SMARCA2: variants seen among roughly 807,000 people sequenced by gnomAD.
The protein encoded by SMARCA2 is SWI/SNF-related matrix-associated actin-dependent regulator of chromatin subfamily A member 2.
A neutral mutation model predicts 199.8 loss-of-function variants in SMARCA2; 61 were observed. That is an observed-to-expected ratio of 0.31 (90% CI 0.25 to 0.38). SMARCA2 has a LOEUF of 0.38. Among genes scored for constraint, SMARCA2 ranks in the 10% least tolerant of loss-of-function variants. SMARCA2 has a pLI of 1.00. For synonymous variants in SMARCA2, 935 were observed against 732.0 expected (o/e 1.28, Z -4.48); for missense variants, 1,344 against 2,012.2 (o/e 0.67, Z 6.35).
In SMARCA2 at chr9:2,119,685, G is replaced by A; in HGVS notation, c.3762+150G>A. The A allele has an allele frequency of 3.4e-6, 2 of 594,124 alleles. No individual in the cohort carries two copies. The highest frequency in any genetic ancestry group is 4.3e-5 in the South Asian group (2 of 46,246). The allele number at this position is 594,124 out of a possible 1,614,324, so 36.8% of individuals were successfully genotyped here. ...GTTCAGAGGCTGCAAACTGGCTGGA[G>A]TTAGCCTGCAGACATATTTTGTTTG... is the stretch of plus-strand genomic sequence containing the variant. On this transcript the variant is annotated intron_variant, in intron 26 of 33. Transcript: ENST00000349721. The surrounding 1 kb of genome is among the most constrained non-coding windows in gnomAD (Gnocchi z 4.6).
At chr9:2,186,665 A>C (rs1340862728) in intron 32 of SMARCA2, among the ~76,000 whole-genome samples, 1 of 152,084 alleles carries the variant, frequency 6.6e-6, no homozygotes, top group African/African-American at 2.4e-5. Context: ...AGCTGGAATT[A>C]CAGGCGTGTG....
chr9:2,029,300 T>C, intron 2 of SMARCA2, 53 bp downstream of exon 2: 1 of 1,560,590 alleles, frequency 6.4e-7, no homozygotes, highest in Non-Finnish European at 8.7e-7. Context: ...GGATGGCTAA[T>C]ATTTCTGATA....
chr9:2,137,084 C>A (rs1362453137), intron 27 of SMARCA2, among the ~76,000 whole-genome samples: 2 of 152,148 alleles, frequency 1.3e-5, no homozygotes, highest in Non-Finnish European at 2.9e-5. Context: ...TTTCTACCAA[C>A]CCTACTTGGC....
chr9:2,112,425 C>T (rs1309107156), intron 24 of SMARCA2, among the ~76,000 whole-genome samples: 1 of 152,058 alleles, frequency 6.6e-6, no homozygotes, highest in South Asian at 2.1e-4. Flanking sequence ...GCTAATTTAA[C>T]ATGGAAAATA....
intron 31 of SMARCA2, among the ~76,000 whole-genome samples, 172 bp from the exon 32 acceptor site, chr9:2,185,924 G>A (rs1362303539): frequency 6.6e-6 from 1 of 152,114 alleles, no homozygotes; most frequent in Non-Finnish European, 1.5e-5. Flanking sequence ...GAATGTGTAT[G>A]TCTGTATTTG....
In SMARCA2 at chr9:2,170,466, G is replaced by C. The variant is rs3793510; in HGVS notation, c.4247G>C (p.Gly1416Ala). ...AGTAATTCTCAGTTGGAAATAGAAG[G>C]AAACAGGTCAGGATCTGTCTTGTAT... is the stretch of plus-strand genomic sequence containing the variant. ...VPSNSQLEIE[G>A]NSSGRQLSEV... The change falls in exon 29 of 34, where the codon GGA (glycine) becomes GCA (alanine). Residue 1416 changes from glycine (G) to alanine (A), a missense_variant. Physicochemically the swap from Gly to Ala is moderately conservative, Grantham distance 60. Coordinates refer to ENST00000349721, the MANE Select transcript of SMARCA2 (RefSeq NM_003070.5). The surrounding 1 kb of genome is among the most constrained non-coding windows in gnomAD (Gnocchi z 4.7). The C allele has an allele frequency of 1.3e-4, 213 of 1,614,096 alleles. 1 individual carries two copies. In the East Asian group the frequency reaches 4.7e-3, roughly 36 times the overall value.
chr9:2,046,059 A>C (rs1349405812), intron 4 of SMARCA2: 2 of 152,196 alleles, frequency 1.3e-5, no homozygotes, highest in African/African-American at 4.8e-5. Context: ...AATCGCTCTG[A>C]AGTATGTAGA....
In SMARCA2 at chr9:2,178,019, G is replaced by GAA. The variant is rs35444665; in HGVS notation, c.4254-3542_4254-3541dup. 1.9e-3 allele frequency among the ~76,000 whole-genome samples: 267 copies of GAA among 143,146 alleles called. 1 individual carries two copies. Among genetic ancestry groups the GAA allele is most frequent in the African/African-American group, 3.8e-3 (149 of 39,504 alleles). The allele number at this position is 143,146 out of a possible 152,430, so 93.9% of individuals were successfully genotyped here. Reference sequence around the variant, plus strand: ...ACTTTTGGTTTGTGGAGGTAATGAGGAAAAAAAAAAACGGTTCCCAGATGA... The same window carrying GAA: ...ACTTTTGGTTTGTGGAGGTAATGAGGAAAAAAAAAAAAACGGTTCCCAGATGA... On this transcript the variant is annotated intron_variant, in intron 29 of 33. Coordinates refer to ENST00000349721, the MANE Select transcript of SMARCA2 (RefSeq NM_003070.5).
Position 2,161,730 on chromosome 9 carries a change from G to A in SMARCA2, c.4026G>A (p.Arg1342=), listed in dbSNP as rs760924689. ...GNLEEMEEEV[R]LKKRKRRRNV... ...TGGAGGAAATGGAAGAGGAAGTACG[G>A]CTTAAGAAGCGAAAAAGACGAAGAA... is the stretch of plus-strand genomic sequence containing the variant. The change falls in exon 28 of 34, where the codon CGG becomes CGA. Residue 1342 remains arginine (R), a synonymous_variant. Coordinates refer to ENST00000349721, the MANE Select transcript of SMARCA2 (RefSeq NM_003070.5). This position sits in a 1 kb window ranked among gnomAD's most constrained non-coding sequence, Gnocchi z 4.7. 38 of 1,613,902 alleles carry A rather than the reference G, an allele frequency of 2.4e-5. 1 individual carries two copies. In the South Asian group the frequency reaches 4.1e-4, roughly 17 times the overall value.
At chr9:2,043,989 C>G (rs1819724739) in intron 4 of SMARCA2, 1 of 152,316 alleles carries the variant, frequency 6.6e-6, no homozygotes, top group African/African-American at 2.4e-5. Flanking sequence ...GATTTGTCTT[C>G]CATTTGAAGA....
intron 1 of SMARCA2, among the ~76,000 whole-genome samples, chr9:2,019,125 C>T (rs561354385): frequency 4.0e-5 from 6 of 150,154 alleles, no homozygotes; most frequent in East Asian, 2.0e-4. Flanking sequence ...ATACTTATTG[C>T]GGTAGACTGA....
chr9:2,067,670 G>C (rs1004931933), intron 9 of SMARCA2, among the ~76,000 whole-genome samples: 2 of 152,210 alleles, frequency 1.3e-5, no homozygotes, highest in East Asian at 3.8e-4. Flanking sequence ...AGATCATACA[G>C]CTAAGATCTC....
chr9:2,191,288 T>C lies in SMARCA2; in HGVS notation c.4617T>C (p.Ile1539=). The change falls in exon 33 of 34, where the codon ATT becomes ATC. Residue 1539 remains isoleucine, a synonymous_variant. Coordinates refer to ENST00000349721, the MANE Select transcript of SMARCA2 (RefSeq NM_003070.5). ...TAGCAAAATCAGTCAAGGTGAAAAT[T>C]AAGCTCAATAAAAAAGATGACAAAG... ...ESEAKSVKVK[I]KLNKKDDKGR... 3 of 1,614,084 alleles carry C rather than the reference T, an allele frequency of 1.9e-6. No individual in the cohort carries two copies. Among genetic ancestry groups the C allele is most frequent in the Non-Finnish European group, 2.5e-6 (3 of 1,180,004 alleles).
In SMARCA2 at chr9:2,039,962, C is replaced by G; in HGVS notation, c.790+62C>G. On this transcript the variant is annotated intron_variant, in intron 4 of 33. Coordinates refer to ENST00000349721, the MANE Select transcript of SMARCA2 (RefSeq NM_003070.5). This position sits in a 1 kb window ranked among gnomAD's most constrained non-coding sequence, Gnocchi z 4.8. ...TCCAACTCGGATAACAAAGACTGCT[C>G]ACCAAAACACCGGGTTGTTAAAAGC... 6.3e-7 allele frequency: 1 copy of G among 1,587,648 alleles called. No homozygotes were observed. The highest frequency in any genetic ancestry group is 1.3e-5 in the African/African-American group (1 of 74,650).
At chr9:2,182,439 T>C (rs1233850686) in intron 31 of SMARCA2, among the ~76,000 whole-genome samples, 197 bp downstream of exon 31, 1 of 149,844 alleles carries the variant, frequency 6.7e-6, no homozygotes, top group East Asian at 2.0e-4. Context: ...ACCACAGCTG[T>C]GCTAGCGCCT....
chr9:2,075,768 C>T (rs1821297090), intron 12 of SMARCA2, among the ~76,000 whole-genome samples: 1 of 152,154 alleles, frequency 6.6e-6, no homozygotes, highest in Non-Finnish European at 1.5e-5. Context: ...AGCGATTCTC[C>T]TGCCTCAGCC....
chr9:2,133,646 TAAA>T (rs200883154), intron 27 of SMARCA2, among the ~76,000 whole-genome samples: 1 of 139,892 alleles, frequency 7.1e-6, no homozygotes, highest in African/African-American at 2.7e-5. Context: ...TGTCAGGATT[TAAA>T]AAAAAAAAAA....
intron 9 of SMARCA2, among the ~76,000 whole-genome samples, chr9:2,070,029 G>C (rs1368599757): frequency 6.6e-6 from 1 of 152,160 alleles, no homozygotes; most frequent in African/African-American, 2.4e-5. Flanking sequence ...CATTGCTGAA[G>C]AAAACTTGCT....
Position 2,193,322 on chromosome 9 carries a change from A to AAG in SMARCA2, c.*585_*586dup, listed in dbSNP as rs1209915685. 2 of 152,640 alleles carry AAG rather than the reference A, an allele frequency of 1.3e-5. No homozygotes were observed. Among genetic ancestry groups the AAG allele is most frequent in the East Asian group, 1.9e-4 (1 of 5,196 alleles). 9.5% of individuals were successfully genotyped at this position (152,640 alleles called of 1,614,324 possible). ...TGAACAAAAGCTTTTTGAATTGTAT[A>AAG]AGATTTATGTCTACTGTAAACATTG... is the stretch of plus-strand genomic sequence containing the variant. On this transcript the variant is annotated 3_prime_UTR_variant, in exon 34 of 34. Transcript: ENST00000349721.
Sources: gnomAD v4.1 joint callset for allele counts (sites outside exome capture counted in the v4.1 genomes callset) on GRCh38, gnomAD v4.1.1 for gene constraint, Gnocchi (gnomAD v3.1) non-coding constraint, MANE v1.5 for transcripts, NCBI Gene and HGNC (gene_info 2026-07-23, HGNC 2026-07-21) for gene names.